The following SLC35F3 variants were observed in gnomAD, a reference collection of about 807,000 sequenced individuals.
The protein encoded by SLC35F3 is putative thiamine transporter SLC35F3.
A neutral mutation model predicts 49.9 loss-of-function variants in SLC35F3; 25 were observed. The ratio of observed to expected loss-of-function variants is 0.50; its 90% confidence interval spans 0.37 to 0.70. The LOEUF (loss-of-function observed/expected upper bound fraction) is 0.70. SLC35F3 is among the 30% of genes least tolerant of loss of function. The pLI, the probability that SLC35F3 is intolerant of heterozygous loss-of-function variation, is 0.00. For synonymous variants in SLC35F3, 275 were observed against 265.4 expected (o/e 1.04, Z -0.35); for missense variants, 525 against 639.8 (o/e 0.82, Z 1.94).
intron 3 of SLC35F3, among the ~76,000 whole-genome samples, chr1:234,248,439 G>T (rs1426191077): frequency 6.6e-6 from 1 of 152,276 alleles, no homozygotes; most frequent in African/African-American, 2.4e-5. Context: ...TGGTGGGTTG[G>T]TTGGCTGGTC....
intron 2 of SLC35F3, among the ~76,000 whole-genome samples, chr1:233,948,228 GGAGAGA>G (rs150190453): frequency 8.4e-5 from 9 of 107,620 alleles, no homozygotes; most frequent in South Asian, 3.4e-4. Flanking sequence ...AGGGAGAGAG[GGAGAGA>G]GAGAGAGAGA....
intron 3 of SLC35F3, among the ~76,000 whole-genome samples, chr1:234,266,517 A>G (rs1041003585): frequency 2.6e-5 from 4 of 152,220 alleles, no homozygotes; most frequent in African/African-American, 9.6e-5. Context: ...ACACTTTTAC[A>G]TCATATCCAT....
chr1:234,024,750 G>A (rs369175069), intron 2 of SLC35F3, among the ~76,000 whole-genome samples: 23 of 152,170 alleles, frequency 1.5e-4, no homozygotes, highest in South Asian at 1.0e-3. Context: ...ACGAACCCTC[G>A]TGACCCCATC....
chr1:233,967,245 GC>G (rs112661542), intron 2 of SLC35F3, among the ~76,000 whole-genome samples: 6 of 151,356 alleles, frequency 4.0e-5, no homozygotes, highest in Middle Eastern at 3.4e-3. Context: ...AAAAATGCAA[GC>G]CCCCCCCACC....
At chr1:234,058,035 A>G (rs1311512594) in intron 2 of SLC35F3, among the ~76,000 whole-genome samples, 1 of 152,118 alleles carries the variant, frequency 6.6e-6, no homozygotes, top group Non-Finnish European at 1.5e-5. Context: ...TTGAGTGGGA[A>G]GGCATCCATT....
At chr1:233,977,760 A>T (rs546054247) in intron 2 of SLC35F3, among the ~76,000 whole-genome samples, 1 of 152,334 alleles carries the variant, frequency 6.6e-6, no homozygotes, top group Admixed American at 6.5e-5. Flanking sequence ...TAAGTTGCCC[A>T]TAGTATTGCA....
At chr1:234,221,878 G>A (rs1007391439) in intron 2 of SLC35F3, among the ~76,000 whole-genome samples, 3 of 152,194 alleles carry the variant, frequency 2.0e-5, no homozygotes, top group Non-Finnish European at 4.4e-5. Flanking sequence ...TTTTTAGGCA[G>A]GAACATTCTA....
chr1:233,982,737 G>C (rs1032663337), intron 2 of SLC35F3, among the ~76,000 whole-genome samples: 1 of 152,088 alleles, frequency 6.6e-6, no homozygotes, highest in Non-Finnish European at 1.5e-5. Flanking sequence ...GCAAGGCACC[G>C]ACACAGCACC....
Position 234,046,879 on chromosome 1 carries a change from A to G in SLC35F3, c.283+141121A>G, listed in dbSNP as rs1664298818. On this transcript the variant is annotated intron_variant, in intron 2 of 7. Transcript: ENST00000366618. This position sits in a 1 kb window ranked among gnomAD's most constrained non-coding sequence, Gnocchi z 4.4. ...TGTCAGTTTTCAAAATTTCACATAC[A>G]CATAGGTTTGTTTCTTTTACTATCC... Among the ~76,000 whole-genome samples the G allele has an allele frequency of 6.6e-6, 1 of 152,134 alleles. No individual in the cohort carries two copies. Among genetic ancestry groups the G allele is most frequent in the African/African-American group, 2.4e-5 (1 of 41,444 alleles).
chr1:233,999,386 C>T (rs1663512877), intron 2 of SLC35F3, among the ~76,000 whole-genome samples: 1 of 146,140 alleles, frequency 6.8e-6, no homozygotes, highest in Non-Finnish European at 1.5e-5. Context: ...AGAACAGTTT[C>T]CCCAAAGCAC....
chr1:234,275,333 C>A (rs1472758795), intron 3 of SLC35F3, among the ~76,000 whole-genome samples: 10 of 150,578 alleles, frequency 6.6e-5, no homozygotes, highest in Admixed American at 3.3e-4. Flanking sequence ...TCCCAAAATC[C>A]CAAAAAAAAA....
chr1:233,915,578 G>GA (rs1419682247), intron 2 of SLC35F3, among the ~76,000 whole-genome samples: 1 of 151,886 alleles, frequency 6.6e-6, no homozygotes, highest in African/African-American at 2.4e-5. Context: ...GTTTCTAAAA[G>GA]AAAAAAAGGA....
chr1:234,323,236 C>T lies in SLC35F3; in HGVS notation c.1466C>T (p.Ala489Val). 1 of 1,613,314 alleles carries T rather than the reference C, an allele frequency of 6.2e-7. No individual in the cohort carries two copies. The highest frequency in any genetic ancestry group is 8.5e-7 in the Non-Finnish European group (1 of 1,179,700). The change falls in exon 8 of 8, where the codon GCC (alanine) becomes GTC (valine). Residue 489 changes from alanine to valine, a missense_variant. Around this residue, in one of 4 missense-constraint regions of SLC35F3, gnomAD observed 76 missense variants for 95.6 expected, o/e 0.80. Transcript: ENST00000366618. This position sits in a 1 kb window ranked among gnomAD's most constrained non-coding sequence, Gnocchi z 4.5. The part of the protein sequence containing the change: ...SKNRRARPSF[A>V]R ...AACAGAAGAGCCCGCCCTTCCTTCG[C>T]CCGCTAACACCACTCCTCTAGAACT...
intron 2 of SLC35F3, among the ~76,000 whole-genome samples, chr1:234,019,901 T>G (rs918590071): frequency 2.0e-5 from 3 of 152,192 alleles, no homozygotes; most frequent in Non-Finnish European, 4.4e-5. Context: ...AATGTGAAAT[T>G]TGTCATTCTA....
chr1:233,970,153 T>TA (rs1434450610), intron 2 of SLC35F3, among the ~76,000 whole-genome samples: 10 of 152,296 alleles, frequency 6.6e-5, no homozygotes, highest in Admixed American at 5.2e-4. Flanking sequence ...GACCCAGCCT[T>TA]ATGGTGACAC....
intron 2 of SLC35F3, among the ~76,000 whole-genome samples, chr1:234,187,927 CAG>C (rs1347911235): frequency 2.0e-5 from 3 of 152,256 alleles, no homozygotes; most frequent in African/African-American, 7.2e-5. Flanking sequence ...ATCTGATGTG[CAG>C]ACTCAACAGG....
intron 2 of SLC35F3, among the ~76,000 whole-genome samples, chr1:233,955,787 C>T (rs1261303605): frequency 2.5e-5 from 3 of 121,822 alleles, no homozygotes; most frequent in Non-Finnish European, 3.4e-5. Context: ...TTTTTTGAGA[C>T]GGAGTTTTGG....
chr1:234,191,728 G>C (rs910310457), intron 2 of SLC35F3, among the ~76,000 whole-genome samples: 1 of 152,050 alleles, frequency 6.6e-6, no homozygotes, highest in Non-Finnish European at 1.5e-5. Context: ...GAAAAGAAGA[G>C]AGAAGATCCA....
intron 3 of SLC35F3, among the ~76,000 whole-genome samples, chr1:234,264,651 G>A (rs557638185): frequency 3.3e-4 from 50 of 152,136 alleles, no homozygotes; most frequent in Non-Finnish European, 5.7e-4. Context: ...ACTCTGGGGC[G>A]GAAATGATCC....
Sources: gnomAD v4.1 joint callset for allele counts (sites outside exome capture counted in the v4.1 genomes callset) on GRCh38, gnomAD v4.1.1 for gene constraint, gnomAD v4.1.1 regional missense constraint, Gnocchi (gnomAD v3.1) non-coding constraint, MANE v1.5 for transcripts, NCBI Gene and HGNC (gene_info 2026-07-23, HGNC 2026-07-21) for gene names.